Variants in ATL3 observed in about 807,000 individuals in gnomAD.
ATL3 encodes atlastin GTPase 3.
Under a neutral mutation model 69.5 loss-of-function variants are expected in ATL3, and 49 were observed. The ratio of observed to expected loss-of-function variants is 0.71; its 90% CI spans 0.56 to 0.89. The LOEUF (loss-of-function observed/expected upper bound fraction) is 0.89, where lower values mean the gene tolerates loss of function less well. ATL3 is among the 40% of genes least tolerant of loss of function. The pLI is 0.00. For synonymous variants in ATL3, 214 were observed against 224.1 expected (o/e 0.95, Z 0.40); for missense variants, 606 against 645.7 (o/e 0.94, Z 0.67).
chr11:63,639,712 G>A (rs1339259887), intron 8 of ATL3, among the ~76,000 whole-genome samples: 7 of 152,048 alleles, frequency 4.6e-5, no homozygotes, highest in African/African-American at 1.7e-4. Flanking sequence ...CTACAATCAC[G>A]CCACTGCACT....
chr11:63,670,123 A>G (rs1208312035), intron 1 of ATL3, among the ~76,000 whole-genome samples: 1 of 152,028 alleles, frequency 6.6e-6, no homozygotes, highest in Non-Finnish European at 1.5e-5. Context: ...TAATAATAAA[A>G]CAATGTGCTG....
At position 63,625,525 on chromosome 11, in the gene ATL3, A is replaced by G. The variant is rs888301096; in HGVS notation, c.*3794T>C. 4.6e-5 allele frequency: 7 copies of G among 152,194 alleles called. No homozygotes were observed. The highest frequency in any genetic ancestry group is 1.4e-4 in the African/African-American group (6 of 41,446). 9.4% of individuals were successfully genotyped at this position (152,194 alleles called of 1,614,324 possible). A position where few individuals can be genotyped will look rare whatever the true frequency, so the allele number is the denominator to read the frequency against. On this transcript the variant is annotated 3_prime_UTR_variant, in exon 13 of 13. Transcript: ENST00000398868. ...TTGATTCAATCTACTTAATTTTGCT[A>G]TAACTCATACATACATACATACTTA...
chr11:63,646,583 T>C lies in ATL3; in HGVS notation c.562-20A>G, dbSNP rs758325422. Reference sequence around the variant, plus strand: ...GAAGAGCTTTAAAAAAGAAGCATTATGGTTTGTAAAGCAAAATTACTTAAA... The same window carrying C: ...GAAGAGCTTTAAAAAAGAAGCATTACGGTTTGTAAAGCAAAATTACTTAAA... On this transcript the variant is annotated intron_variant, in intron 5 of 12. Transcript: ENST00000398868. 3.2e-6 allele frequency: 5 copies of C among 1,577,422 alleles called. No homozygotes were observed. Among genetic ancestry groups the C allele is most frequent in the South Asian group, 2.3e-5 (2 of 86,126 alleles).
At chr11:63,643,301 ATTATTT>A in intron 8 of ATL3, 50 bp downstream of exon 8, 1 of 1,494,884 alleles carries the variant, frequency 6.7e-7, no homozygotes, top group Non-Finnish European at 9.0e-7. Context: ...TAAGTGATTC[ATTATTT>A]TTAATTCCAA....
chr11:63,633,182 C>T, intron 10 of ATL3, 85 bp from the exon 11 acceptor site: 3 of 1,054,144 alleles, frequency 2.8e-6, no homozygotes, highest in Admixed American at 2.0e-5. Flanking sequence ...CTTCTCTATT[C>T]CCCATTCTTC....
rs1939317628 is a variant in ATL3, at chr11:63,631,479, G to C, written c.1108-8C>G. ...TTTCTCTCCCCCACAAACCTAAAAA[G>C]AACAAAGAAACAATATGTTAAAAGA... On this transcript the variant is annotated splice_region_variant and splice_polypyrimidine_tract_variant and intron_variant, in intron 11 of 12. Transcript: ENST00000398868. 2 of 1,575,260 alleles carry C rather than the reference G, an allele frequency of 1.3e-6. No individual in the cohort carries two copies.
Position 63,629,380 on chromosome 11 carries a change from G to A in ATL3, c.1565C>T (p.Thr522Ile), listed in dbSNP as rs767824020. The A allele has an allele frequency of 6.8e-6, 11 of 1,614,050 alleles. No individual in the cohort carries two copies. Among genetic ancestry groups the A allele is most frequent in the African/African-American group, 4.0e-5 (3 of 74,902 alleles). ...AACTGCATCCCTCACAGTGGCCTGAGTGGAATTACCGATATGAGAAGAAGC... is the reference window on the plus strand; with the variant it reads ...AACTGCATCCCTCACAGTGGCCTGAATGGAATTACCGATATGAGAAGAAGC... Reference protein sequence around the residue: ...EQASSHIGNSTQATVRDAVVG... With the variant: ...EQASSHIGNSIQATVRDAVVG... Residue 522 changes from threonine to isoleucine, a missense_variant, in exon 13 of 13, where the codon ACT (threonine) becomes ATT (isoleucine). Coordinates refer to ENST00000398868, the MANE Select transcript of ATL3 (RefSeq NM_015459.5).
Position 63,633,896 on chromosome 11 carries a change from G to A in ATL3, c.1036-799C>T, listed in dbSNP as rs556601572. On this transcript the variant is annotated intron_variant, in intron 10 of 12. Coordinates refer to ENST00000398868, the MANE Select transcript of ATL3 (RefSeq NM_015459.5). The stretch of plus-strand genomic sequence containing the variant: ...AAAAACACAAAAAAATTAGCCAGGC[G>A]TGGTGATGTGCGCCTGTAGTCCCAG... 4.6e-5 allele frequency among the ~76,000 whole-genome samples: 7 copies of A among 151,646 alleles called. No individual in the cohort carries two copies. In the South Asian group the frequency reaches 1.2e-3, roughly 27 times the overall value.
At position 63,649,974 on chromosome 11, in the gene ATL3, C is replaced by T. The variant is rs72932262; in HGVS notation, c.561+1962G>A. Reference sequence around the variant, plus strand: ...GATCTATTTTTTCCTGAAACAATGCCATGTTCTTGTAATTACAGATTTATA... The same window carrying T: ...GATCTATTTTTTCCTGAAACAATGCTATGTTCTTGTAATTACAGATTTATA... On this transcript the variant is annotated intron_variant, in intron 5 of 12. Transcript: ENST00000398868. Among the ~76,000 whole-genome samples the T allele has an allele frequency of 6.6e-3, 1,008 of 151,978 alleles. 1 individual carries two copies. Among genetic ancestry groups the T allele is most frequent in the Middle Eastern group, 0.01 (3 of 292 alleles).
Position 63,633,048 on chromosome 11 carries a change from A to AT in ATL3, c.1084dup (p.Ile362AsnfsTer4). The AT allele has an allele frequency of 6.2e-7, 1 of 1,614,116 alleles. No homozygotes were observed. Among genetic ancestry groups the AT allele is most frequent in the Non-Finnish European group, 8.5e-7 (1 of 1,179,950 alleles). ...TACCTCTTCCATGTTGTTATAATAAATGTCCTTGGCAGAGGCTGCAGCTGC... is the reference window on the plus strand; with the variant it reads ...TACCTCTTCCATGTTGTTATAATAAATTGTCCTTGGCAGAGGCTGCAGCTGC... On this transcript the variant is annotated frameshift_variant, in exon 11 of 13. Coordinates refer to ENST00000398868, the MANE Select transcript of ATL3 (RefSeq NM_015459.5). LOFTEE classifies it high-confidence loss of function.
intron 1 of ATL3, among the ~76,000 whole-genome samples, chr11:63,669,665 G>A (rs1053922826): frequency 2.0e-5 from 3 of 152,062 alleles, no homozygotes; most frequent in Admixed American, 6.5e-5. Context: ...ATAATGGGCC[G>A]GGCACGATGG....
chr11:63,635,566 C>T lies in ATL3; in HGVS notation c.1003G>A (p.Glu335Lys), dbSNP rs373751961. The change falls in exon 10 of 13, where the codon GAA becomes AAA. Residue 335 changes from glutamate to lysine, a missense_variant. By Grantham distance (56) the Glu-to-Lys change is moderately conservative (BLOSUM62 1). Coordinates refer to ENST00000398868, the MANE Select transcript of ATL3 (RefSeq NM_015459.5). The stretch of plus-strand genomic sequence containing the variant: ...ATGGACTTGGGGTGAGGCAGATCTT[C>T]TCCTTGATAAATTTTAATATATGCC... ...FKAYIKIYQG[E>K]DLPHPKSMLQ... 1.7e-5 allele frequency: 28 copies of T among 1,611,620 alleles called. No individual in the cohort carries two copies. The highest frequency in any genetic ancestry group is 2.3e-5 in the Non-Finnish European group (27 of 1,178,124).
At chr11:63,637,050 G>A (rs552204714) in intron 8 of ATL3, among the ~76,000 whole-genome samples, 8 of 152,098 alleles carry the variant, frequency 5.3e-5, no homozygotes, top group African/African-American at 1.4e-4. Context: ...AGGTCAAGGC[G>A]GGTGGATCAC....
At position 63,627,829 on chromosome 11, in the gene ATL3, G is replaced by A. The variant is rs2134454832; in HGVS notation, c.*1490C>T. 1 of 152,224 alleles carries A rather than the reference G, an allele frequency of 6.6e-6. No homozygotes were observed. The highest frequency in any genetic ancestry group is 1.9e-4 in the East Asian group (1 of 5,192). 9.4% of individuals were successfully genotyped at this position (152,224 alleles called of 1,614,324 possible). A position where few individuals can be genotyped will look rare whatever the true frequency, so the allele number is the denominator to read the frequency against. On this transcript the variant is annotated 3_prime_UTR_variant, in exon 13 of 13. Transcript: ENST00000398868. ...TGGGTAGGACTTTGATCCTTGCTAAGGCAAAGCTATCTTAAAGCTACCAGA... is the reference window on the plus strand; with the variant it reads ...TGGGTAGGACTTTGATCCTTGCTAAAGCAAAGCTATCTTAAAGCTACCAGA...
intron 11 of ATL3, 167 bp downstream of exon 11, chr11:63,632,859 C>CA (rs1449972812): frequency 1.3e-6 from 1 of 767,850 alleles, no homozygotes; most frequent in African/African-American, 1.8e-5. Flanking sequence ...AACAAACAAA[C>CA]AAAGAAATGG....
At chr11:63,656,334 C>T (rs757538067) in intron 3 of ATL3, among the ~76,000 whole-genome samples, 1 of 151,406 alleles carries the variant, frequency 6.6e-6, no homozygotes, top group African/African-American at 2.4e-5. Context: ...TATGTACCCA[C>T]GAAAATAAAA....
chr11:63,632,187 T>C (rs1170278182), intron 11 of ATL3: 1 of 558,914 alleles, frequency 1.8e-6, no homozygotes, highest in Non-Finnish European at 3.4e-6. Context: ...ATAGAACAGA[T>C]CTATGACCAA....
At chr11:63,668,274 GC>G (rs1940640447) in intron 1 of ATL3, among the ~76,000 whole-genome samples, 1 of 152,120 alleles carries the variant, frequency 6.6e-6, no homozygotes, top group Non-Finnish European at 1.5e-5. Flanking sequence ...AACTGACAAA[GC>G]CAGAGAAAAC....
chr11:63,657,235 C>T (rs1367826901), intron 3 of ATL3, among the ~76,000 whole-genome samples: 1 of 141,082 alleles, frequency 7.1e-6, no homozygotes, highest in East Asian at 2.0e-4. Flanking sequence ...AAAGGACAAA[C>T]AGGTGTGAAG....
Sources: gnomAD v4.1 joint callset for allele counts (sites outside exome capture counted in the v4.1 genomes callset) on GRCh38, gnomAD v4.1.1 for gene constraint, MANE v1.5 for transcripts, NCBI Gene and HGNC (gene_info 2026-07-23, HGNC 2026-07-21) for gene names.